SARS2: variants seen among roughly 807,000 people sequenced by gnomAD.
SARS2 encodes the protein serine--tRNA ligase, mitochondrial.
A neutral mutation model predicts 66.8 loss-of-function variants in SARS2; 52 were observed. That is an observed-to-expected ratio of 0.78 (90% CI 0.62 to 0.98). SARS2 has a LOEUF of 0.98. Among genes scored for constraint, SARS2 ranks in the 50% least tolerant of loss-of-function variants. SARS2 has a pLI of 0.00. For missense variants in SARS2, 673 were observed against 706.3 expected (o/e 0.95, Z 0.53); for synonymous variants, 306 against 281.4 (o/e 1.09, Z -0.87).
intron 3 of SARS2, chr19:38,921,934 T>G: frequency 7.9e-4 from 1,188 of 1,499,294 alleles, no homozygotes; most frequent in Non-Finnish European, 1.0e-3. Context: ...GCTGAACTCA[T>G]GAGAATCAGC....
chr19:38,919,869 T>TGGGA lies in SARS2; in HGVS notation c.654-6_654-3dup, dbSNP rs764965210. On this transcript the variant is annotated splice_region_variant and splice_polypyrimidine_tract_variant and intron_variant, in intron 6 of 15. Coordinates refer to ENST00000221431, the MANE Select transcript of SARS2 (RefSeq NM_017827.4). ...TGGCCAGACACGTGGGACAGGCGCC[T>TGGGA]GGGAGACAGACAGACAGGCGGGTGC... The TGGGA allele has an allele frequency of 1.2e-6, 2 of 1,613,234 alleles. No individual in the cohort carries two copies. Among genetic ancestry groups the TGGGA allele is most frequent in the Admixed American group, 3.3e-5 (2 of 59,978 alleles).
chr19:38,919,907 CT>C lies in SARS2; in HGVS notation c.654-41del, dbSNP rs1055325348. Reference sequence around the variant, plus strand: ...GACAGGCGGGTGCACATGGGCCAGGCTGGCAGGGAATGTGGGGATGAAAACA... The same window carrying C: ...GACAGGCGGGTGCACATGGGCCAGGCGGCAGGGAATGTGGGGATGAAAACA... On this transcript the variant is annotated intron_variant, in intron 6 of 15. Coordinates refer to ENST00000221431, the MANE Select transcript of SARS2 (RefSeq NM_017827.4). The C allele has an allele frequency of 3.8e-6, 6 of 1,574,840 alleles. No homozygotes were observed. The African/African-American group carries it at 8.1e-5, about 21-fold the overall frequency.
At chr19:38,920,687 G>A (rs11668245) in intron 5 of SARS2, among the ~76,000 whole-genome samples, 110,270 of 148,444 alleles carry the variant, frequency 0.74, 41,157 homozygotes, top group East Asian at 0.96. Flanking sequence ...ACAGATACAC[G>A]GATACAGACA....
At position 38,918,825 on chromosome 19, in the gene SARS2, A is replaced by G; in HGVS notation, c.760-12T>C. 1 of 1,557,886 alleles carries G rather than the reference A, an allele frequency of 6.4e-7. No individual in the cohort carries two copies. Among genetic ancestry groups the G allele is most frequent in the South Asian group, 1.2e-5 (1 of 84,506 alleles). ...ATGGGGGTGAAGCCCTGTTCAGGGGAGAGGATGAGTGAGCAGAGCTGGGAC... is the reference window on the plus strand; with the variant it reads ...ATGGGGGTGAAGCCCTGTTCAGGGGGGAGGATGAGTGAGCAGAGCTGGGAC... On this transcript the variant is annotated splice_polypyrimidine_tract_variant and intron_variant, in intron 7 of 15. Transcript: ENST00000221431.
Position 38,930,525 on chromosome 19 carries a change from G to A in SARS2, c.212C>T (p.Ala71Val), listed in dbSNP as rs771556597. The change falls in exon 1 of 16, where the codon GCA (alanine) becomes GTA (valine). Residue 71 changes from alanine to valine, a missense_variant. By Grantham distance (64) the Ala-to-Val change is moderately conservative (BLOSUM62 0). Coordinates refer to ENST00000221431, the MANE Select transcript of SARS2 (RefSeq NM_017827.4). The part of the protein sequence containing the change: ...ERFCACPEEA[A>V]HALELRKGEL... ...CCCCTTGCGGAGCTCCAGGGCGTGT[G>A]CGGCCTCTTCTGGGCATGCGCAGAA... The A allele has an allele frequency of 6.2e-7, 1 of 1,613,068 alleles. No individual in the cohort carries two copies. Among genetic ancestry groups the A allele is most frequent in the Admixed American group, 1.7e-5 (1 of 60,022 alleles).
intron 1 of SARS2, among the ~76,000 whole-genome samples, chr19:38,929,028 C>T (rs1008203821): frequency 1.2e-4 from 18 of 148,372 alleles, no homozygotes; most frequent in Non-Finnish European, 1.9e-4. Context: ...ACCAGCCTGG[C>T]CAACATGGTG....
In SARS2 at chr19:38,915,267, T is replaced by C. The variant is rs1600160696; in HGVS notation, c.*339A>G. 3 of 491,686 alleles carry C rather than the reference T, an allele frequency of 6.1e-6. No homozygotes were observed. Among genetic ancestry groups the C allele is most frequent in the East Asian group, 3.0e-5 (1 of 32,834 alleles). 30.5% of individuals were successfully genotyped at this position (491,686 alleles called of 1,614,324 possible). A position where few individuals can be genotyped will look rare whatever the true frequency, so the allele number is the denominator to read the frequency against. The stretch of plus-strand genomic sequence containing the variant: ...CTTGTTCACAGATCCACAGAGGCCT[T>C]TGTCCTGACCATTTATTGGGGACTT... On this transcript the variant is annotated 3_prime_UTR_variant, in exon 16 of 16. Coordinates refer to ENST00000221431, the MANE Select transcript of SARS2 (RefSeq NM_017827.4).
chr19:38,918,354 C>A (rs1252551188), intron 9 of SARS2, 68 bp downstream of exon 9: 11 of 1,442,670 alleles, frequency 7.6e-6, no homozygotes, highest in Non-Finnish European at 9.7e-6. Context: ...CCCCAGTGCT[C>A]CCTGGACGCT....
intron 6 of SARS2, 58 bp downstream of exon 6, chr19:38,920,028 A>T: frequency 6.8e-7 from 1 of 1,479,462 alleles, no homozygotes; most frequent in Non-Finnish European, 9.3e-7. Flanking sequence ...GGCAGGAGCC[A>T]GCTGTCGGGG....
intron 9 of SARS2, 61 bp downstream of exon 9, chr19:38,918,361 C>CG: frequency 6.8e-7 from 1 of 1,477,138 alleles, no homozygotes; most frequent in Non-Finnish European, 9.5e-7. Context: ...GCTCCCTGGA[C>CG]GCTCCCAGTT....
intron 8 of SARS2, 28 bp downstream of exon 8, chr19:38,918,738 G>A (rs1340918229): frequency 3.9e-6 from 6 of 1,554,856 alleles, no homozygotes; most frequent in Admixed American, 2.0e-5. Context: ...ACCCAGGTGG[G>A]CGAGGGAAGC....
In SARS2 at chr19:38,926,188, C is replaced by G. The variant is rs1022279719; in HGVS notation, c.363+17G>C. The G allele has an allele frequency of 1.9e-6, 3 of 1,600,774 alleles. No individual in the cohort carries two copies. Among genetic ancestry groups the G allele is most frequent in the Admixed American group, 1.7e-5 (1 of 60,016 alleles). On this transcript the variant is annotated intron_variant, in intron 2 of 15. Transcript: ENST00000221431. ...CCCTCGTGGCCACTCCCCACCTACTCAGGGCACCATGCTCACCAGCAGGGC... is the reference window on the plus strand; with the variant it reads ...CCCTCGTGGCCACTCCCCACCTACTGAGGGCACCATGCTCACCAGCAGGGC...
chr19:38,917,685 C>A (rs748345571), intron 12 of SARS2, 39 bp downstream of exon 12: 5 of 1,028,700 alleles, frequency 4.9e-6, no homozygotes, highest in East Asian at 2.7e-5. Flanking sequence ...TCCCCTACCC[C>A]ACCCCTGCCA....
In SARS2 at chr19:38,918,787, G is replaced by A. The variant is rs982823552; in HGVS notation, c.786C>T (p.Asp262=). Residue 262 remains aspartate, a synonymous_variant, in exon 8 of 16, where the codon GAC becomes GAT. Transcript: ENST00000221431. ...RRGFTPMTVP[D]LLRGAVFEGC... ...TCACAAACACTGCTCCGCGGAGAAG[G>A]TCTGGCACCGTCATGGGGGTGAAGC... 1.9e-6 allele frequency: 3 copies of A among 1,561,666 alleles called. No homozygotes were observed. The highest frequency in any genetic ancestry group is 2.6e-6 in the Non-Finnish European group (3 of 1,152,200).
chr19:38,920,397 C>T (rs938830450), intron 5 of SARS2, among the ~76,000 whole-genome samples: 4 of 147,942 alleles, frequency 2.7e-5, no homozygotes, highest in Admixed American at 6.8e-5. Flanking sequence ...TAAGAGGGCG[C>T]GGGGTGGGGA....
chr19:38,925,599 C>T (rs77505895), intron 2 of SARS2, among the ~76,000 whole-genome samples: 4,642 of 152,262 alleles, frequency 0.03, 235 homozygotes, highest in African/African-American at 0.11. Context: ...TGTCTCCTTC[C>T]CCTGGCACAG....
chr19:38,921,437 C>T lies in SARS2; in HGVS notation c.544G>A (p.Asp182Asn), dbSNP rs1194017764. Reference protein sequence around the residue: ...NQTHPDVPVGDESQARVLHMV... With the variant: ...NQTHPDVPVGNESQARVLHMV... Reference sequence around the variant, plus strand: ...TGGAGCACTCGAGCCTGGCTCTCATCCCCGACGGGCTGCAGGGAGACAGCA... The same window carrying T: ...TGGAGCACTCGAGCCTGGCTCTCATTCCCGACGGGCTGCAGGGAGACAGCA... Residue 182 changes from aspartate to asparagine, a missense_variant, in exon 5 of 16, where the codon GAT (aspartate) becomes AAT (asparagine). Coordinates refer to ENST00000221431, the MANE Select transcript of SARS2 (RefSeq NM_017827.4). The T allele has an allele frequency of 6.2e-7, 1 of 1,614,016 alleles. No homozygotes were observed. Among genetic ancestry groups the T allele is most frequent in the Non-Finnish European group, 8.5e-7 (1 of 1,180,012 alleles).
Position 38,915,545 on chromosome 19 carries a change from T to A in SARS2, c.*61A>T. 1 of 1,589,552 alleles carries A rather than the reference T, an allele frequency of 6.3e-7. No homozygotes were observed. Among genetic ancestry groups the A allele is most frequent in the Non-Finnish European group, 8.6e-7 (1 of 1,168,364 alleles). On this transcript the variant is annotated 3_prime_UTR_variant, in exon 16 of 16. Transcript: ENST00000221431. ...GGCTCAGCAACACAGGTCCCAGGTGTCCGGGGTCTCCTGAACTCCAGGAAG... is the reference window on the plus strand; with the variant it reads ...GGCTCAGCAACACAGGTCCCAGGTGACCGGGGTCTCCTGAACTCCAGGAAG...
chr19:38,922,140 T>C, intron 3 of SARS2, 98 bp downstream of exon 3: 1 of 1,598,606 alleles, frequency 6.3e-7, no homozygotes, highest in Non-Finnish European at 8.6e-7. Context: ...CTTAAACCTG[T>C]TTGAGTTGTT....
Sources: gnomAD v4.1 joint callset for allele counts (sites outside exome capture counted in the v4.1 genomes callset) on GRCh38, gnomAD v4.1.1 for gene constraint, MANE v1.5 for transcripts, NCBI Gene and HGNC (gene_info 2026-07-23, HGNC 2026-07-21) for gene names.